The following FRMD5 variants were observed in gnomAD, a reference collection of about 807,000 sequenced individuals.
The protein encoded by FRMD5 is FERM domain containing 5.
Under a neutral mutation model 69.0 loss-of-function variants are expected in FRMD5, and 20 were observed. The observed-to-expected ratio is 0.29, with a 90% CI of 0.20 to 0.42. The LOEUF is 0.42. FRMD5 is among the 10% of genes least tolerant of loss of function. The pLI, the probability that FRMD5 is intolerant of heterozygous loss-of-function variation, is 1.00. For synonymous variants in FRMD5, 271 were observed against 260.1 expected (o/e 1.04, Z -0.40); for missense variants, 595 against 708.6 (o/e 0.84, Z 1.82).
intron 1 of FRMD5, among the ~76,000 whole-genome samples, chr15:44,145,563 C>T (rs1246567872): frequency 6.6e-6 from 1 of 152,122 alleles, no homozygotes; most frequent in Non-Finnish European, 1.5e-5. Flanking sequence ...TTTCAAAACA[C>T]AAAATTTGGA....
intron 13 of FRMD5, chr15:43,875,803 A>ATTTTTTTTTT (rs2088328044): frequency 2.1e-6 from 1 of 467,826 alleles, no homozygotes. Flanking sequence ...TCCTGGGCCT[A>ATTTTTTTTTT]GTTTTTTTTT....
intron 1 of FRMD5, among the ~76,000 whole-genome samples, chr15:43,957,851 A>G (rs1185473488): frequency 6.6e-6 from 1 of 152,214 alleles, no homozygotes; most frequent in Non-Finnish European, 1.5e-5. Context: ...CAAGCAAGTC[A>G]GTATCCTTGC....
At chr15:44,079,553 G>C (rs1893911135) in intron 1 of FRMD5, among the ~76,000 whole-genome samples, 1 of 151,830 alleles carries the variant, frequency 6.6e-6, no homozygotes, top group Non-Finnish European at 1.5e-5. Context: ...AACCCATCTG[G>C]GTAAGTATAC....
chr15:43,963,037 A>G (rs2090230678), intron 1 of FRMD5, among the ~76,000 whole-genome samples: 2 of 152,224 alleles, frequency 1.3e-5, no homozygotes, highest in African/African-American at 2.4e-5. Flanking sequence ...AATGGCAACA[A>G]AAGCCAAAAT....
At chr15:44,067,087 C>T (rs1007897408) in intron 1 of FRMD5, among the ~76,000 whole-genome samples, 2 of 151,878 alleles carry the variant, frequency 1.3e-5, no homozygotes, top group African/African-American at 2.4e-5. Context: ...GGAAAATTCC[C>T]GTAATTCAAA....
At chr15:44,158,090 A>G (rs1315189285) in intron 1 of FRMD5, among the ~76,000 whole-genome samples, 1 of 152,198 alleles carries the variant, frequency 6.6e-6, no homozygotes, top group Non-Finnish European at 1.5e-5. Context: ...AAAAGAAGTG[A>G]CATAAAAGTC....
chr15:44,046,461 C>T (rs1340247230), intron 1 of FRMD5, among the ~76,000 whole-genome samples: 2 of 152,182 alleles, frequency 1.3e-5, no homozygotes, highest in African/African-American at 4.8e-5. Flanking sequence ...TACACATTTT[C>T]ATTTATGTCT....
chr15:44,062,150 A>G (rs761330955), intron 1 of FRMD5, among the ~76,000 whole-genome samples: 2 of 152,212 alleles, frequency 1.3e-5, no homozygotes, highest in Non-Finnish European at 2.9e-5. Flanking sequence ...GATGTAAATA[A>G]AGACTTTATT....
At chr15:43,879,450 G>T in intron 13 of FRMD5, 1 of 398,846 alleles carries the variant, frequency 2.5e-6, no homozygotes, top group East Asian at 3.6e-5. Flanking sequence ...GGGTGCCGTG[G>T]GAAGGATCTG....
At chr15:43,876,850 A>C (rs912335641) in intron 13 of FRMD5, among the ~76,000 whole-genome samples, 2 of 152,202 alleles carry the variant, frequency 1.3e-5, no homozygotes, top group African/African-American at 4.8e-5. Flanking sequence ...TTCAGAGCAC[A>C]AAACAGTTTG....
chr15:44,069,487 T>TAAAA (rs199585914), intron 1 of FRMD5, among the ~76,000 whole-genome samples: 1 of 146,578 alleles, frequency 6.8e-6, no homozygotes, highest in African/African-American at 2.5e-5. Flanking sequence ...TACTCAGCAA[T>TAAAA]AAAAAAAAAA....
intron 1 of FRMD5, among the ~76,000 whole-genome samples, chr15:44,132,156 G>A (rs924734770): frequency 3.3e-4 from 50 of 152,286 alleles, no homozygotes; most frequent in African/African-American, 1.2e-3. Flanking sequence ...GCTCCTTTGA[G>A]AATCTAATGC....
intron 10 of FRMD5, among the ~76,000 whole-genome samples, chr15:43,887,713 C>G (rs2088696752): frequency 6.6e-6 from 1 of 152,210 alleles, no homozygotes; most frequent in Non-Finnish European, 1.5e-5. Context: ...CAGGATCCTT[C>G]AGGTTACTGG....
At chr15:44,039,652 C>CA (rs1892098579) in intron 1 of FRMD5, among the ~76,000 whole-genome samples, 2 of 152,152 alleles carry the variant, frequency 1.3e-5, no homozygotes, top group Non-Finnish European at 2.9e-5. Context: ...GATGGCCACT[C>CA]AGAGACCCCA....
rs117223775 is a variant in FRMD5 at position 44,113,198 on chromosome 15, C to T, written c.102+81755G>A. ...TGCCACTTATACCAAATAGGGTGAC[C>T]CTGCTTTCCCGGTAGGAGCAAAGAA... On this transcript the variant is annotated intron_variant, in intron 1 of 13. Coordinates refer to ENST00000417257, the MANE Select transcript of FRMD5 (RefSeq NM_032892.5). Among the ~76,000 whole-genome samples, 455 of 152,268 alleles carry T rather than the reference C, an allele frequency of 3.0e-3. 11 individuals are homozygous for T. The East Asian group carries it at 0.051, about 17-fold the overall frequency.
At chr15:44,031,287 T>G (rs28485708) in intron 1 of FRMD5, among the ~76,000 whole-genome samples, 356 of 152,334 alleles carry the variant, frequency 2.3e-3, no homozygotes, top group Admixed American at 4.3e-3. Context: ...GATATTACAG[T>G]TATCCCATCA....
intron 1 of FRMD5, among the ~76,000 whole-genome samples, chr15:44,029,054 A>T (rs761731730): frequency 2.0e-5 from 3 of 152,222 alleles, no homozygotes; most frequent in Non-Finnish European, 4.4e-5. Context: ...GTAGGTATTC[A>T]ACAAATATTT....
At chr15:44,101,879 T>C (rs1287747326) in intron 1 of FRMD5, among the ~76,000 whole-genome samples, 1 of 152,188 alleles carries the variant, frequency 6.6e-6, no homozygotes, top group Non-Finnish European at 1.5e-5. Context: ...TTTAAGACAG[T>C]TTAAATCACA....
chr15:44,071,170 C>A (rs1052238119), intron 1 of FRMD5, among the ~76,000 whole-genome samples: 1 of 152,178 alleles, frequency 6.6e-6, no homozygotes, highest in African/African-American at 2.4e-5. Context: ...CCCAGTTATT[C>A]TGATTCATCC....
Sources: allele counts gnomAD v4.1 joint callset (sites outside exome capture counted in the v4.1 genomes callset), GRCh38; gene constraint gnomAD v4.1.1; transcripts MANE v1.5; gene names NCBI Gene and HGNC (gene_info 2026-07-23, HGNC 2026-07-21).